The following KSR2 variants were observed in gnomAD, a reference collection of about 807,000 sequenced individuals.
The protein encoded by KSR2 is kinase suppressor of ras 2.
A neutral mutation model predicts 107.8 loss-of-function variants in KSR2; 25 were observed. The observed-to-expected ratio is 0.23, with a 90% confidence interval of 0.17 to 0.32. The LOEUF is 0.32. Ranked by LOEUF, KSR2 falls within the 10% of genes least tolerant of loss-of-function variation. KSR2 has a pLI of 1.00. For synonymous variants in KSR2, 480 were observed against 507.0 expected (o/e 0.95, Z 0.71); for missense variants, 887 against 1,268.9 (o/e 0.70, Z 4.57).
chr12:117,886,942 G>T (rs1894194293), intron 1 of KSR2, among the ~76,000 whole-genome samples: 2 of 151,542 alleles, frequency 1.3e-5, no homozygotes, highest in Non-Finnish European at 1.5e-5. Flanking sequence ...ATATTTTTTT[G>T]AGACAGAGTC....
chr12:117,962,281 A>G (rs1217776759), intron 1 of KSR2, among the ~76,000 whole-genome samples: 1 of 151,692 alleles, frequency 6.6e-6, no homozygotes, highest in African/African-American at 2.4e-5. Context: ...AACTACCTCT[A>G]CTTGGCTAGT....
chr12:117,967,068 A>C (rs1896820031), intron 1 of KSR2, among the ~76,000 whole-genome samples: 1 of 152,146 alleles, frequency 6.6e-6, no homozygotes. Flanking sequence ...AACCCTTCAA[A>C]CATTTTGAAC....
chr12:117,960,100 T>C (rs1018360471), intron 1 of KSR2, among the ~76,000 whole-genome samples: 2 of 151,854 alleles, frequency 1.3e-5, no homozygotes, highest in African/African-American at 4.8e-5. Context: ...CATGTTCCCA[T>C]CCAAGAAGTT....
At chr12:117,836,578 G>T (rs962636354) in intron 3 of KSR2, among the ~76,000 whole-genome samples, 1 of 152,156 alleles carries the variant, frequency 6.6e-6, no homozygotes, top group Non-Finnish European at 1.5e-5. Context: ...TTCCGATAGG[G>T]AAGAGGCTGG....
chr12:117,554,252 C>T (rs1877508241), intron 9 of KSR2, among the ~76,000 whole-genome samples: 1 of 152,044 alleles, frequency 6.6e-6, no homozygotes, highest in South Asian at 2.1e-4. Context: ...ATTTCTAGGC[C>T]ACAATTGAAA....
chr12:117,869,986 A>G (rs2137280147), intron 1 of KSR2, among the ~76,000 whole-genome samples: 1 of 152,328 alleles, frequency 6.6e-6, no homozygotes, highest in Non-Finnish European at 1.5e-5. Context: ...AAACTTCAAC[A>G]GGCTAAATCA....
In KSR2 at chr12:117,454,910, C is replaced by A. The variant is rs1159072773; in HGVS notation, c.*12289G>T. 1 of 152,026 alleles carries A rather than the reference C, an allele frequency of 6.6e-6. No homozygotes were observed. Among genetic ancestry groups the A allele is most frequent in the African/African-American group, 2.4e-5 (1 of 41,342 alleles). 9.4% of individuals were successfully genotyped at this position (152,026 alleles called of 1,614,324 possible). A position where few individuals can be genotyped will look rare whatever the true frequency, so the allele number is the denominator to read the frequency against. ...TGCATTAGAGAGAAGGGCTCATGGC[C>A]AACCCATCTATAGCCAAGATGCCCA... On this transcript the variant is annotated 3_prime_UTR_variant, in exon 20 of 20. Coordinates refer to ENST00000339824, the MANE Select transcript of KSR2 (RefSeq NM_173598.6).
intron 9 of KSR2, among the ~76,000 whole-genome samples, chr12:117,545,572 G>A (rs1386126482): frequency 6.6e-6 from 1 of 152,188 alleles, no homozygotes; most frequent in African/African-American, 2.4e-5. Context: ...GCTATAAAAT[G>A]TATATGTGTA....
At chr12:117,599,701 G>C (rs75230856) in intron 5 of KSR2, among the ~76,000 whole-genome samples, 4,471 of 152,004 alleles carry the variant, frequency 0.029, 90 homozygotes, top group Non-Finnish European at 0.045. Flanking sequence ...CCTGGGGGTG[G>C]AGAGGCAACA....
At chr12:117,830,138 C>T (rs1210566515) in intron 3 of KSR2, among the ~76,000 whole-genome samples, 1 of 152,052 alleles carries the variant, frequency 6.6e-6, no homozygotes, top group Non-Finnish European at 1.5e-5. Context: ...CATGGTGGTG[C>T]ATGCCTGTAA....
chr12:117,880,464 C>A (rs1893990156), intron 1 of KSR2, among the ~76,000 whole-genome samples: 1 of 151,984 alleles, frequency 6.6e-6, no homozygotes, highest in Non-Finnish European at 1.5e-5. Flanking sequence ...CCCCAAGCCC[C>A]CCCACCAAAG....
intron 7 of KSR2, among the ~76,000 whole-genome samples, chr12:117,560,423 G>A (rs1323562672): frequency 6.6e-6 from 1 of 151,834 alleles, no homozygotes; most frequent in African/African-American, 2.4e-5. Context: ...CAGAAGGGGA[G>A]CAAGGAGGGA....
At chr12:117,517,354 G>T (rs1458945949) in intron 14 of KSR2, among the ~76,000 whole-genome samples, 1 of 152,236 alleles carries the variant, frequency 6.6e-6, no homozygotes, top group Non-Finnish European at 1.5e-5. Context: ...CTCTCTGGCT[G>T]GAGGCATTAT....
intron 1 of KSR2, among the ~76,000 whole-genome samples, chr12:117,964,860 T>C (rs1308305974): frequency 6.6e-6 from 1 of 152,240 alleles, no homozygotes; most frequent in Non-Finnish European, 1.5e-5. Flanking sequence ...GTTCATGAAC[T>C]TTCTTTTCCA....
chr12:117,943,222 A>G (rs906243573), intron 1 of KSR2, among the ~76,000 whole-genome samples: 2 of 152,212 alleles, frequency 1.3e-5, no homozygotes, highest in African/African-American at 4.8e-5. Context: ...ACAGTAAAGT[A>G]CTTTGCCTTA....
At chr12:117,677,826 G>C (rs1885198665) in intron 4 of KSR2, among the ~76,000 whole-genome samples, 1 of 152,202 alleles carries the variant, frequency 6.6e-6, no homozygotes, top group Non-Finnish European at 1.5e-5. Context: ...CTGACGCACA[G>C]TGTGTCCTCC....
rs2137091558 is a variant in KSR2 at position 117,458,932 on chromosome 12, C to G, written c.*8267G>C. 1 of 152,430 alleles carries G rather than the reference C, an allele frequency of 6.6e-6. No homozygotes were observed. The highest frequency in any genetic ancestry group is 3.4e-3 in the Middle Eastern group (1 of 294). The allele number at this position is 152,430 out of a possible 1,614,324, so 9.4% of individuals were successfully genotyped here. A position where few individuals can be genotyped will look rare whatever the true frequency, so the allele number is the denominator to read the frequency against. On this transcript the variant is annotated 3_prime_UTR_variant, in exon 20 of 20. Transcript: ENST00000339824. Reference sequence around the variant, plus strand: ...GACTGAACAGCAGAAATTTTACAAACCTCCTCAAGAAAGAAAAGCCCTTGC... The same window carrying G: ...GACTGAACAGCAGAAATTTTACAAAGCTCCTCAAGAAAGAAAAGCCCTTGC...
intron 5 of KSR2, among the ~76,000 whole-genome samples, chr12:117,639,393 G>A (rs910693739): frequency 2.6e-5 from 4 of 151,040 alleles, no homozygotes; most frequent in Admixed American, 6.6e-5. Flanking sequence ...GCAGTGGTGC[G>A]ATCTCAGCTC....
chr12:117,960,609 T>G lies in KSR2; in HGVS notation c.180+7467A>C, dbSNP rs947850421. On this transcript the variant is annotated intron_variant, in intron 1 of 19. Coordinates refer to ENST00000339824, the MANE Select transcript of KSR2 (RefSeq NM_173598.6). ...GCCATCAGATAAACACAACCACAAGTGAGTCAGGCAAGATCTGCAGAACTG... is the reference window on the plus strand; with the variant it reads ...GCCATCAGATAAACACAACCACAAGGGAGTCAGGCAAGATCTGCAGAACTG... 3.3e-5 allele frequency among the ~76,000 whole-genome samples: 5 copies of G among 152,030 alleles called. No individual in the cohort carries two copies. In the South Asian group the frequency reaches 8.3e-4, roughly 25 times the overall value.
Sources: gnomAD v4.1 joint callset for allele counts (sites outside exome capture counted in the v4.1 genomes callset) on GRCh38, gnomAD v4.1.1 for gene constraint, MANE v1.5 for transcripts, NCBI Gene and HGNC (gene_info 2026-07-23, HGNC 2026-07-21) for gene names.